The following OTUB1 variants were observed in gnomAD, a reference collection of about 807,000 sequenced individuals.
OTUB1 encodes the protein ubiquitin thioesterase OTUB1.
OTUB1 carries 10 observed loss-of-function variants against 35.8 expected under a neutral mutation model. That is an observed-to-expected ratio of 0.28 (90% CI 0.17 to 0.47). The LOEUF (loss-of-function observed/expected upper bound fraction) is 0.47. OTUB1 is among the 20% of genes least tolerant of loss of function. The pLI is 0.99. For synonymous variants in OTUB1, 158 were observed against 143.8 expected (o/e 1.10, Z -0.71); for missense variants, 264 against 351.6 (o/e 0.75, Z 1.99).
rs187170376 is a variant in OTUB1, at chr11:63,997,250, G to A, written c.618+6G>A. 28 of 1,612,624 alleles carry A rather than the reference G, an allele frequency of 1.7e-5. No individual in the cohort carries two copies. Among genetic ancestry groups the A allele is most frequent in the East Asian group, 1.3e-4 (6 of 44,838 alleles). On this transcript the variant is annotated splice_donor_region_variant and intron_variant, in intron 6 of 6. Coordinates refer to ENST00000538426, the MANE Select transcript of OTUB1 (RefSeq NM_017670.3). ...TCAAGGAGTTCTGCCAGCAGGTGCC[G>A]TCCCCCTCCCCTTTACTCTCGGCCG...
chr11:63,995,292 G>T (rs929463071), intron 3 of OTUB1, among the ~76,000 whole-genome samples: 7 of 152,194 alleles, frequency 4.6e-5, no homozygotes, highest in African/African-American at 1.7e-4. Flanking sequence ...TGCTTCCCGG[G>T]TTCAAGCGAT....
At chr11:63,993,254 T>C (rs1271115554) in intron 3 of OTUB1, among the ~76,000 whole-genome samples, 1 of 152,216 alleles carries the variant, frequency 6.6e-6, no homozygotes, top group African/African-American at 2.4e-5. Context: ...TGATCTCAGC[T>C]GCACTCAGTG....
Position 63,998,028 on chromosome 11 carries a change from C to T in OTUB1, c.*482C>T, listed in dbSNP as rs1942742243. On this transcript the variant is annotated 3_prime_UTR_variant, in exon 7 of 7. Coordinates refer to ENST00000538426, the MANE Select transcript of OTUB1 (RefSeq NM_017670.3). ...GGGCCCCAGACCCCAGCTTCCTGCCCTCCACCGGGAGTCTGCATGGTTGGG... is the reference window on the plus strand; with the variant it reads ...GGGCCCCAGACCCCAGCTTCCTGCCTTCCACCGGGAGTCTGCATGGTTGGG... 2.0e-6 allele frequency: 1 copy of T among 512,516 alleles called. No homozygotes were observed. Among genetic ancestry groups the T allele is most frequent in the African/African-American group, 1.9e-5 (1 of 52,130 alleles). The allele number at this position is 512,516 out of a possible 1,614,324, so 31.7% of individuals were successfully genotyped here. A position where few individuals can be genotyped will look rare whatever the true frequency, so the allele number is the denominator to read the frequency against.
At chr11:63,986,724 G>T in intron 1 of OTUB1, 1 of 540,984 alleles carries the variant, frequency 1.8e-6, no homozygotes, top group Non-Finnish European at 3.2e-6. Context: ...GGGCGAGGCG[G>T]GCCAAGGCCC....
chr11:63,993,924 C>T (rs1180521546), intron 3 of OTUB1, among the ~76,000 whole-genome samples: 3 of 151,976 alleles, frequency 2.0e-5, no homozygotes, highest in Admixed American at 6.6e-5. Flanking sequence ...CCCAGGAGTT[C>T]GAGACCAGCC....
intron 3 of OTUB1, among the ~76,000 whole-genome samples, chr11:63,995,931 C>T (rs369515004): frequency 3.9e-5 from 6 of 152,030 alleles, no homozygotes; most frequent in South Asian, 4.1e-4. Context: ...CGTTTGAACC[C>T]GGGAGGTGTA....
chr11:63,986,902 G>A (rs1942626269), intron 1 of OTUB1: 2 of 202,492 alleles, frequency 9.9e-6, no homozygotes, highest in Admixed American at 1.2e-4. Context: ...CTCCAGCGGC[G>A]GCCCGCGCCG....
chr11:63,997,296 AG>A (rs1237250387), intron 6 of OTUB1, 52 bp downstream of exon 6: 1 of 1,611,088 alleles, frequency 6.2e-7, no homozygotes, highest in Admixed American at 1.7e-5. Context: ...GTGGGCCCAC[AG>A]GGCCTGGGGC....
chr11:63,992,053 A>C (rs770683074), intron 3 of OTUB1, among the ~76,000 whole-genome samples: 1 of 152,160 alleles, frequency 6.6e-6, no homozygotes, highest in African/African-American at 2.4e-5. Flanking sequence ...CCTCGTCTCT[A>C]CTAAAAATAC....
Position 63,997,493 on chromosome 11 carries a change from C to A in OTUB1, c.763C>A (p.Pro255Thr). 1.2e-6 allele frequency: 2 copies of A among 1,614,116 alleles called. No homozygotes were observed. Among genetic ancestry groups the A allele is most frequent in the Non-Finnish European group, 1.7e-6 (2 of 1,180,024 alleles). The change falls in exon 7 of 7, where the codon CCC (proline) becomes ACC (threonine). Residue 255 changes from proline to threonine, a missense_variant. By Grantham distance (38) the Pro-to-Thr change is conservative. Coordinates refer to ENST00000538426, the MANE Select transcript of OTUB1 (RefSeq NM_017670.3). Reference protein sequence around the residue: ...NPHIFPEGSEPKVYLLYRPGH... With the variant: ...NPHIFPEGSETKVYLLYRPGH... ...GCACATCTTCCCTGAGGGCTCCGAG[C>A]CCAAGGTCTACCTTCTCTACCGGCC...
intron 3 of OTUB1, among the ~76,000 whole-genome samples, chr11:63,995,567 G>A (rs950977506): frequency 2.6e-5 from 4 of 151,532 alleles, no homozygotes; most frequent in South Asian, 2.1e-4. Context: ...AGGCTTAAGC[G>A]TCCTCCCACC....
Position 63,994,599 on chromosome 11 carries a change from G to A in OTUB1, c.220-1931G>A, listed in dbSNP as rs1048580177. 2.0e-5 allele frequency among the ~76,000 whole-genome samples: 3 copies of A among 152,232 alleles called. No individual in the cohort carries two copies. The East Asian group carries it at 5.8e-4, about 29-fold the overall frequency. Reference sequence around the variant, plus strand: ...GACACACCATGTCTCGAAGGGTGCTGTATGGTTTGGTGGCATCCCTGACCC... The same window carrying A: ...GACACACCATGTCTCGAAGGGTGCTATATGGTTTGGTGGCATCCCTGACCC... On this transcript the variant is annotated intron_variant, in intron 3 of 6. Coordinates refer to ENST00000538426, the MANE Select transcript of OTUB1 (RefSeq NM_017670.3).
chr11:63,996,938 C>CA lies in OTUB1; in HGVS notation c.421dup (p.Thr141AsnfsTer7). 6.2e-7 allele frequency: 1 copy of CA among 1,614,068 alleles called. No homozygotes were observed. Among genetic ancestry groups the CA allele is most frequent in the Non-Finnish European group, 8.5e-7 (1 of 1,179,952 alleles). ...AATTCACAATTGAGGATTTCCACAACACGGTGAGCCCTGGTGCCTGTCTTG... is the reference window on the plus strand; with the variant it reads ...AATTCACAATTGAGGATTTCCACAACAACGGTGAGCCCTGGTGCCTGTCTTG... On this transcript the variant is annotated frameshift_variant, in exon 5 of 7. Coordinates refer to ENST00000538426, the MANE Select transcript of OTUB1 (RefSeq NM_017670.3). LOFTEE classifies it high-confidence loss of function.
In OTUB1 at chr11:63,997,722, G is replaced by A; in HGVS notation, c.*176G>A. Reference sequence around the variant, plus strand: ...TGGTGAGCCGTGTGTGCGTGTCCCTGCTCTGCTGCCCGCCTGGCTGCTCTG... The same window carrying A: ...TGGTGAGCCGTGTGTGCGTGTCCCTACTCTGCTGCCCGCCTGGCTGCTCTG... On this transcript the variant is annotated 3_prime_UTR_variant, in exon 7 of 7. Transcript: ENST00000538426. 1.4e-6 allele frequency: 1 copy of A among 711,416 alleles called. No individual in the cohort carries two copies. The highest frequency in any genetic ancestry group is 2.5e-6 in the Non-Finnish European group (1 of 393,372). 44.1% of individuals were successfully genotyped at this position (711,416 alleles called of 1,614,324 possible).
chr11:63,987,901 CG>C (rs1186946838), intron 1 of OTUB1, among the ~76,000 whole-genome samples: 1 of 152,110 alleles, frequency 6.6e-6, no homozygotes, highest in African/African-American at 2.4e-5. Flanking sequence ...GCTGAAAGAG[CG>C]CACCTTAGGG....
At chr11:63,988,498 G>A in intron 2 of OTUB1, 100 bp downstream of exon 2, 1 of 1,355,318 alleles carries the variant, frequency 7.4e-7, no homozygotes, top group Non-Finnish European at 1.0e-6. Context: ...TACTTTGGAA[G>A]CTCCCTCCTC....
chr11:63,988,786 C>A, intron 3 of OTUB1, 34 bp downstream of exon 3: 1 of 1,433,944 alleles, frequency 7.0e-7, no homozygotes. Flanking sequence ...GGGAAGCACC[C>A]TGGGGGTGGG....
rs1316374078 is a variant in OTUB1, at chr11:63,986,525, A to G, written c.58+11A>G. 16 of 1,544,374 alleles carry G rather than the reference A, an allele frequency of 1.0e-5. No homozygotes were observed. Among genetic ancestry groups the G allele is most frequent in the Non-Finnish European group, 1.3e-5 (15 of 1,143,056 alleles). On this transcript the variant is annotated intron_variant, in intron 1 of 6. Coordinates refer to ENST00000538426, the MANE Select transcript of OTUB1 (RefSeq NM_017670.3). ...GCAGCGACTCCGAAGGTACAGATCC[A>G]AGGAGGGATGTCCGGCCCGGGCTAG...
Position 63,997,995 on chromosome 11 carries a change from T to A in OTUB1, c.*449T>A. On this transcript the variant is annotated 3_prime_UTR_variant, in exon 7 of 7. Transcript: ENST00000538426. ...CTCCCTCATAGGCCCCACCTCCACG[T>A]CCCGGCTGGGCCCCAGACCCCAGCT... The A allele has an allele frequency of 1.8e-6, 1 of 545,502 alleles. No homozygotes were observed. Among genetic ancestry groups the A allele is most frequent in the South Asian group, 2.2e-5 (1 of 46,214 alleles). The allele number at this position is 545,502 out of a possible 1,614,324, so 33.8% of individuals were successfully genotyped here.
Sources: allele counts gnomAD v4.1 joint callset (sites outside exome capture counted in the v4.1 genomes callset), GRCh38; gene constraint gnomAD v4.1.1; transcripts MANE v1.5; gene names NCBI Gene and HGNC (gene_info 2026-07-23, HGNC 2026-07-21).